Variants in PTCHD4 observed in about 807,000 individuals in gnomAD.
PTCHD4 encodes the protein patched domain containing 4, also known as patched domain-containing protein 4.
In PTCHD4, 33 loss-of-function variants were observed where a neutral mutation model predicts 58.1. That is an observed-to-expected ratio of 0.57 (90% CI 0.43 to 0.76). The LOEUF (loss-of-function observed/expected upper bound fraction) is 0.76. Among genes scored for constraint, PTCHD4 ranks in the 30% least tolerant of loss-of-function variants. The pLI is 0.00. For synonymous variants in PTCHD4, 478 were observed against 409.6 expected, an observed-to-expected ratio of 1.17 and a Z score of -2.02; for missense variants, 1,058 against 1,027.1, an observed-to-expected ratio of 1.03 and a Z score of -0.41.
At chr6:48,066,228 A>T (rs1421999391) in intron 3 of PTCHD4, among the ~76,000 whole-genome samples, 1 of 152,140 alleles carries the variant, frequency 6.6e-6, no homozygotes, top group Non-Finnish European at 1.5e-5. Context: ...CATTTAGTAA[A>T]TCATAAGAGC....
In PTCHD4 at chr6:48,028,030, C is replaced by T. The variant is rs540491717; in HGVS notation, c.418-18916G>A. Among the ~76,000 whole-genome samples, 24 of 152,194 alleles carry T rather than the reference C, an allele frequency of 1.6e-4. No homozygotes were observed. The East Asian group carries it at 4.5e-3, about 28-fold the overall frequency. ...GATCTCTGCTCACTATAACCCCGGCCTCCTAGGTTCAAGTGATTCTCGTGC... is the reference window on the plus strand; with the variant it reads ...GATCTCTGCTCACTATAACCCCGGCTTCCTAGGTTCAAGTGATTCTCGTGC... On this transcript the variant is annotated intron_variant, in intron 3 of 4. Transcript: ENST00000339488.
chr6:47,897,895 T>C (rs1322434343), intron 4 of PTCHD4, among the ~76,000 whole-genome samples: 1 of 151,994 alleles, frequency 6.6e-6, no homozygotes, highest in Admixed American at 6.6e-5. Flanking sequence ...TGCGGTTTTT[T>C]ATTCTATATC....
At chr6:48,012,719 A>G (rs942008449) in intron 3 of PTCHD4, among the ~76,000 whole-genome samples, 1 of 152,198 alleles carries the variant, frequency 6.6e-6, no homozygotes, top group African/African-American at 2.4e-5. Flanking sequence ...TCTGTCATAA[A>G]TAGCTCTTAT....
chr6:47,976,815 T>A (rs1452159234), intron 4 of PTCHD4, among the ~76,000 whole-genome samples: 2 of 151,970 alleles, frequency 1.3e-5, no homozygotes, highest in Non-Finnish European at 2.9e-5. Flanking sequence ...TTTTAAAAGT[T>A]CAGCATCAAC....
rs1274407066 is a variant in PTCHD4 at position 48,008,708 on chromosome 6, G to A, written c.824C>T (p.Thr275Ile). 2.5e-6 allele frequency: 4 copies of A among 1,613,870 alleles called. No individual in the cohort carries two copies. The highest frequency in any genetic ancestry group is 2.5e-6 in the Non-Finnish European group (3 of 1,179,858). The change falls in exon 4 of 5, where the codon ACA (threonine) becomes ATA (isoleucine). Residue 275 changes from threonine (T) to isoleucine (I), a missense_variant. Transcript: ENST00000339488. The stretch of plus-strand genomic sequence containing the variant: ...GGTGATGAAGAAGATCCCTGCTGCT[G>A]TGATGATGGAGATGCATACTGTGAG... Reference protein sequence around the residue: ...GVLTVCISIITAAGIFFITDG... With the variant: ...GVLTVCISIIIAAGIFFITDG...
chr6:47,910,245 C>G (rs934275036), intron 4 of PTCHD4, among the ~76,000 whole-genome samples: 1 of 152,264 alleles, frequency 6.6e-6, no homozygotes, highest in Non-Finnish European at 1.5e-5. Context: ...AGAAGAGACA[C>G]TGTTTACCTC....
At chr6:47,931,221 G>A (rs1186193386) in intron 4 of PTCHD4, among the ~76,000 whole-genome samples, 2 of 152,236 alleles carry the variant, frequency 1.3e-5, no homozygotes, top group East Asian at 1.9e-4. Context: ...CCACGAACAG[G>A]AGGGGGCTGC....
At chr6:47,959,524 G>A (rs910390277) in intron 4 of PTCHD4, among the ~76,000 whole-genome samples, 7 of 152,032 alleles carry the variant, frequency 4.6e-5, no homozygotes, top group Admixed American at 2.0e-4. Flanking sequence ...AGTAGCCAAA[G>A]GTCTTTTAAT....
At chr6:48,102,952 C>T (rs1303691386) in intron 1 of PTCHD4, among the ~76,000 whole-genome samples, 1 of 152,184 alleles carries the variant, frequency 6.6e-6, no homozygotes, top group Non-Finnish European at 1.5e-5. Flanking sequence ...ACAAAGTGGC[C>T]AGGAAGCTCA....
chr6:48,002,088 G>A (rs1384731959), intron 4 of PTCHD4, among the ~76,000 whole-genome samples: 11 of 152,240 alleles, frequency 7.2e-5, no homozygotes, highest in Admixed American at 2.0e-4. Flanking sequence ...TTAGAATGGC[G>A]ATCATTAAAA....
rs887629371 is a variant in PTCHD4 at position 47,857,137 on chromosome 6, G to A, written c.*21166C>T. Among the ~76,000 whole-genome samples, 54 of 152,014 alleles carry A rather than the reference G, an allele frequency of 3.6e-4. No homozygotes were observed. Among genetic ancestry groups the A allele is most frequent in the African/African-American group, 1.1e-3 (47 of 41,428 alleles). Reference sequence around the variant, plus strand: ...CTAACAAAAATTACTTATGATCAGTGTTGCTTTACATGTTTTCAGAATAAT... The same window carrying A: ...CTAACAAAAATTACTTATGATCAGTATTGCTTTACATGTTTTCAGAATAAT... On this transcript the variant is annotated 3_prime_UTR_variant, in exon 5 of 5. Coordinates refer to ENST00000339488, the MANE Select transcript of PTCHD4 (RefSeq NM_001384253.1).
intron 1 of PTCHD4, among the ~76,000 whole-genome samples, chr6:48,103,033 CACAG>C (rs1765641758): frequency 6.6e-6 from 1 of 152,214 alleles, no homozygotes; most frequent in Non-Finnish European, 1.5e-5. Context: ...GGGGGCAGGG[CACAG>C]ACAAACAAAA....
intron 1 of PTCHD4, among the ~76,000 whole-genome samples, chr6:48,083,860 C>A (rs955018414): frequency 6.6e-6 from 1 of 151,932 alleles, no homozygotes; most frequent in Non-Finnish European, 1.5e-5. Flanking sequence ...TAGAATTGTC[C>A]CCAGCGTCTC....
At chr6:47,894,174 A>G (rs116367205) in intron 4 of PTCHD4, among the ~76,000 whole-genome samples, 1,858 of 152,316 alleles carry the variant, frequency 0.012, 42 homozygotes, top group African/African-American at 0.043. Flanking sequence ...ATTCCTGATG[A>G]GTACAGTACA....
At chr6:48,055,064 A>G (rs745519717) in intron 3 of PTCHD4, among the ~76,000 whole-genome samples, 4 of 152,142 alleles carry the variant, frequency 2.6e-5, no homozygotes, top group Admixed American at 2.0e-4. Flanking sequence ...AGATTTGTCT[A>G]TTTCCTATGT....
chr6:47,959,978 T>TAGTTG (rs1767017121), intron 4 of PTCHD4, among the ~76,000 whole-genome samples: 2 of 152,110 alleles, frequency 1.3e-5, no homozygotes, highest in South Asian at 4.1e-4. Flanking sequence ...TTTAAGAAGA[T>TAGTTG]AGTTGACTTT....
chr6:48,077,321 T>G (rs1240562477), intron 1 of PTCHD4, among the ~76,000 whole-genome samples: 1 of 152,270 alleles, frequency 6.6e-6, no homozygotes, highest in East Asian at 1.9e-4. Flanking sequence ...GGACATTGAC[T>G]TCTCCTCTCT....
At chr6:48,075,291 A>G (rs962698612) in intron 1 of PTCHD4, among the ~76,000 whole-genome samples, 1 of 152,232 alleles carries the variant, frequency 6.6e-6, no homozygotes, top group Non-Finnish European at 1.5e-5. Context: ...TATATGTTTA[A>G]CAGTGTAAAA....
intron 1 of PTCHD4, among the ~76,000 whole-genome samples, chr6:48,077,176 T>C (rs569603081): frequency 3.9e-5 from 6 of 152,234 alleles, no homozygotes; most frequent in African/African-American, 7.2e-5. Flanking sequence ...TTATCCAGGC[T>C]TTGTTGTTTC....
Sources: gnomAD v4.1 joint callset for allele counts (sites outside exome capture counted in the v4.1 genomes callset) on GRCh38, gnomAD v4.1.1 for gene constraint, MANE v1.5 for transcripts, NCBI Gene and HGNC (gene_info 2026-07-23, HGNC 2026-07-21) for gene names.